NELL1: variants seen among roughly 807,000 people sequenced by gnomAD.
The protein encoded by NELL1 is protein kinase C-binding protein NELL1.
NELL1 carries 76 observed loss-of-function variants against 107.4 expected under a neutral mutation model. The observed-to-expected ratio is 0.71, with a 90% confidence interval of 0.59 to 0.86. NELL1 has a LOEUF of 0.86. NELL1 is among the 40% of genes least tolerant of loss of function. NELL1 has a pLI of 0.00. For missense variants in NELL1, 1,024 were observed against 1,005.5 expected (o/e 1.02, Z -0.25); for synonymous variants, 353 against 341.2 (o/e 1.03, Z -0.38).
intron 12 of NELL1, among the ~76,000 whole-genome samples, chr11:21,065,480 C>G (rs1245594979): frequency 6.6e-6 from 1 of 152,088 alleles, no homozygotes; most frequent in Non-Finnish European, 1.5e-5. Flanking sequence ...GTGAGGATGT[C>G]TATAGAATTA....
chr11:21,174,648 G>C (rs914504974), intron 13 of NELL1, among the ~76,000 whole-genome samples: 1 of 151,600 alleles, frequency 6.6e-6, no homozygotes, highest in South Asian at 2.1e-4. Context: ...GGAAGGAGGA[G>C]GAAGAAGTGA....
chr11:20,812,027 G>A (rs183399794), intron 3 of NELL1, among the ~76,000 whole-genome samples: 98 of 152,280 alleles, frequency 6.4e-4, no homozygotes, highest in Non-Finnish European at 9.9e-4. Context: ...ATTGTAGAGA[G>A]AAAGCTTTCT....
chr11:21,551,615 A>G (rs1225168002), intron 16 of NELL1, among the ~76,000 whole-genome samples: 2 of 151,788 alleles, frequency 1.3e-5, no homozygotes, highest in East Asian at 3.9e-4. Context: ...TAGAATGGCA[A>G]TCATTAAAAA....
intron 12 of NELL1, among the ~76,000 whole-genome samples, chr11:21,111,155 G>A (rs1367586584): frequency 6.6e-6 from 1 of 152,068 alleles, no homozygotes; most frequent in Non-Finnish European, 1.5e-5. Flanking sequence ...CTCTCTCAGA[G>A]TAGGTCAAAT....
chr11:21,100,960 G>C (rs890811467), intron 12 of NELL1, among the ~76,000 whole-genome samples: 10 of 151,662 alleles, frequency 6.6e-5, no homozygotes, highest in African/African-American at 2.4e-4. Flanking sequence ...TTTAACATTA[G>C]GTATATCTCC....
chr11:20,925,292 A>T (rs1850469019), intron 7 of NELL1, among the ~76,000 whole-genome samples: 1 of 151,844 alleles, frequency 6.6e-6, no homozygotes, highest in Non-Finnish European at 1.5e-5. Context: ...TAATTTATTT[A>T]TTTATTGAGA....
chr11:21,497,314 A>G (rs181031706), intron 15 of NELL1, among the ~76,000 whole-genome samples: 144 of 152,272 alleles, frequency 9.5e-4, no homozygotes, highest in Middle Eastern at 3.4e-3. Flanking sequence ...AGTTACAAAA[A>G]ATATTTTTAA....
chr11:20,695,863 T>G (rs889677118), intron 2 of NELL1, among the ~76,000 whole-genome samples: 2 of 152,166 alleles, frequency 1.3e-5, no homozygotes, highest in Non-Finnish European at 2.9e-5. Flanking sequence ...CAGCTTTTCT[T>G]TGTACATCTG....
At chr11:20,682,857 G>T (rs920623704) in intron 2 of NELL1, among the ~76,000 whole-genome samples, 1 of 151,864 alleles carries the variant, frequency 6.6e-6, no homozygotes, top group Admixed American at 6.6e-5. Context: ...TGCTTTTTTG[G>T]TCTGGATTCT....
At chr11:21,430,262 C>A (rs761014310) in intron 15 of NELL1, among the ~76,000 whole-genome samples, 17 of 152,010 alleles carry the variant, frequency 1.1e-4, no homozygotes, top group Non-Finnish European at 2.1e-4. Context: ...TTTGTTTGCA[C>A]CCCTTTGGTT....
At chr11:21,006,779 A>G (rs1852336781) in intron 12 of NELL1, among the ~76,000 whole-genome samples, 1 of 152,040 alleles carries the variant, frequency 6.6e-6, no homozygotes, top group Non-Finnish European at 1.5e-5. Flanking sequence ...GTGATACAAT[A>G]CTTTCCACTT....
intron 14 of NELL1, among the ~76,000 whole-genome samples, chr11:21,302,600 A>G (rs1301393029): frequency 1.3e-5 from 2 of 152,040 alleles, no homozygotes; most frequent in Non-Finnish European, 2.9e-5. Flanking sequence ...ATAGAAATGT[A>G]GGGGAATGGT....
chr11:21,200,871 A>C (rs1338992732), intron 13 of NELL1, among the ~76,000 whole-genome samples: 1 of 152,154 alleles, frequency 6.6e-6, no homozygotes, highest in African/African-American at 2.4e-5. Flanking sequence ...AGTTTACCCA[A>C]CACCATTTAT....
rs569239133 is a variant in NELL1 at position 21,553,505 on chromosome 11, T to G, written c.1787-6684T>G. Among the ~76,000 whole-genome samples the G allele has an allele frequency of 2.0e-5, 3 of 151,942 alleles. No homozygotes were observed. The South Asian group carries it at 6.2e-4, about 31-fold the overall frequency. On this transcript the variant is annotated intron_variant, in intron 16 of 19. Transcript: ENST00000357134. ...CTGTCACCACTCATATTCTAAAACT[T>G]GAATTACAAGCTCAGCCTTACAGAG...
At chr11:20,814,070 A>T (rs556719771) in intron 3 of NELL1, among the ~76,000 whole-genome samples, 3 of 151,928 alleles carry the variant, frequency 2.0e-5, no homozygotes, top group Admixed American at 6.6e-5. Flanking sequence ...ATCTCGGCTC[A>T]CTGCAAGCTC....
chr11:20,828,954 A>T (rs1204915642), intron 3 of NELL1, among the ~76,000 whole-genome samples: 1 of 152,166 alleles, frequency 6.6e-6, no homozygotes, highest in Non-Finnish European at 1.5e-5. Flanking sequence ...AGTCCAGAGG[A>T]TCCAGTCTTT....
intron 2 of NELL1, among the ~76,000 whole-genome samples, chr11:20,693,366 A>G (rs1039788265): frequency 6.7e-6 from 1 of 149,658 alleles, no homozygotes; most frequent in Non-Finnish European, 1.5e-5. Context: ...TAGTTGATGC[A>G]GTTTCTTCCT....
At chr11:20,853,640 A>T (rs1848829454) in intron 4 of NELL1, among the ~76,000 whole-genome samples, 1 of 152,234 alleles carries the variant, frequency 6.6e-6, no homozygotes, top group Non-Finnish European at 1.5e-5. Context: ...GAAGGTTTTA[A>T]TATATTGTAC....
intron 14 of NELL1, among the ~76,000 whole-genome samples, chr11:21,257,917 C>CT (rs1858810851): frequency 2.0e-5 from 3 of 151,980 alleles, no homozygotes; most frequent in Admixed American, 1.3e-4. Context: ...ACATCCCTTT[C>CT]TCCTAGTCTC....
Sources: allele counts gnomAD v4.1 joint callset (sites outside exome capture counted in the v4.1 genomes callset), GRCh38; gene constraint gnomAD v4.1.1; transcripts MANE v1.5; gene names NCBI Gene and HGNC (gene_info 2026-07-23, HGNC 2026-07-21).